PPARGC1B: variants seen among roughly 807,000 people sequenced by gnomAD.
PPARGC1B encodes the protein PPARG coactivator 1 beta.
PPARGC1B carries 34 observed loss-of-function variants against 101.6 expected under a neutral mutation model. That is an observed-to-expected ratio of 0.33 (90% CI 0.25 to 0.45). The LOEUF (loss-of-function observed/expected upper bound fraction) is 0.45, where lower values mean the gene tolerates loss of function less well. Ranked by LOEUF, PPARGC1B falls within the 20% of genes least tolerant of loss-of-function variation. The pLI is 1.00. For missense variants in PPARGC1B, 1,234 were observed against 1,317.6 expected (o/e 0.94, Z 0.98); for synonymous variants, 548 against 539.3 (o/e 1.02, Z -0.22).
chr5:149,823,276 C>T (rs532581088), intron 2 of PPARGC1B, among the ~76,000 whole-genome samples: 14 of 152,194 alleles, frequency 9.2e-5, no homozygotes, highest in African/African-American at 3.1e-4. Flanking sequence ...CTGTTGAGGC[C>T]GCAGGAGGAG....
intron 1 of PPARGC1B, among the ~76,000 whole-genome samples, chr5:149,748,038 T>C (rs1243148660): frequency 6.6e-6 from 1 of 152,066 alleles, no homozygotes; most frequent in Non-Finnish European, 1.5e-5. Context: ...AGCCCTCCTT[T>C]GCTCAGCTGG....
intron 1 of PPARGC1B, among the ~76,000 whole-genome samples, chr5:149,789,369 G>A (rs540158737): frequency 1.3e-5 from 2 of 152,346 alleles, no homozygotes; most frequent in East Asian, 1.9e-4. Flanking sequence ...CACAGGTTGT[G>A]TCCTTGCGGA....
chr5:149,782,723 G>A (rs1231090776), intron 1 of PPARGC1B, among the ~76,000 whole-genome samples: 3 of 152,244 alleles, frequency 2.0e-5, no homozygotes, highest in Admixed American at 6.5e-5. Flanking sequence ...GGGATTTGGG[G>A]TCACGAGGCC....
intron 1 of PPARGC1B, among the ~76,000 whole-genome samples, chr5:149,769,217 G>A (rs533948773): frequency 6.6e-6 from 1 of 152,312 alleles, no homozygotes; most frequent in Non-Finnish European, 1.5e-5. Context: ...GTGGAGCTCA[G>A]GCAGTAATGC....
At chr5:149,835,955 T>C (rs1052584757) in intron 7 of PPARGC1B, among the ~76,000 whole-genome samples, 77 of 148,972 alleles carry the variant, frequency 5.2e-4, no homozygotes, top group Non-Finnish European at 9.1e-4. Context: ...GTCTTTTTTT[T>C]TTCTTTTTTT....
downstream of PPARGC1B, among the ~76,000 whole-genome samples, chr5:149,857,233 A>G (rs1759979362): frequency 6.6e-6 from 1 of 152,216 alleles, no homozygotes; most frequent in African/African-American, 2.4e-5. Flanking sequence ...TAGATCGTGC[A>G]CAGTACCTAG....
intron 1 of PPARGC1B, among the ~76,000 whole-genome samples, chr5:149,760,589 G>A (rs1755682918): frequency 6.6e-6 from 1 of 152,168 alleles, no homozygotes; most frequent in African/African-American, 2.4e-5. Flanking sequence ...CAAGTGTAGA[G>A]AAGGCAGGGA....
rs779448876 is a variant in PPARGC1B at position 149,842,299 on chromosome 5, T to C, written c.2738T>C (p.Met913Thr). Residue 913 changes from methionine to threonine, a missense_variant, in exon 10 of 12, where the codon ATG (methionine) becomes ACG (threonine). This residue lies in a region of PPARGC1B where 497 missense variants were observed against 529.5 expected (regional missense o/e 0.94). Transcript: ENST00000309241. ...VVYIQNLSSD[M>T]SSRELKRRFE... ...TACATTCAAAATCTCTCCAGCGACATGAGCTCCCGAGAGCTGAAGAGGCGC... is the reference window on the plus strand; with the variant it reads ...TACATTCAAAATCTCTCCAGCGACACGAGCTCCCGAGAGCTGAAGAGGCGC... The C allele has an allele frequency of 1.9e-6, 3 of 1,614,092 alleles. No homozygotes were observed. Among genetic ancestry groups the C allele is most frequent in the East Asian group, 2.2e-5 (1 of 44,872 alleles).
At chr5:149,820,028 G>GT in intron 1 of PPARGC1B, among the ~76,000 whole-genome samples, 1 of 152,198 alleles carries the variant, frequency 6.6e-6, no homozygotes, top group South Asian at 2.1e-4. Flanking sequence ...TATTATTGCT[G>GT]TTTTTTGTTT....
intron 1 of PPARGC1B, among the ~76,000 whole-genome samples, chr5:149,787,616 A>G (rs978759803): frequency 2.0e-5 from 3 of 152,218 alleles, no homozygotes; most frequent in Non-Finnish European, 4.4e-5. Context: ...CCAGCTCTTA[A>G]GCAGTGTGTC....
chr5:149,805,077 C>T (rs1409120945), intron 1 of PPARGC1B, among the ~76,000 whole-genome samples: 3 of 152,206 alleles, frequency 2.0e-5, no homozygotes, highest in African/African-American at 7.2e-5. Flanking sequence ...GAGCTTCCTC[C>T]TTCGTGATGT....
chr5:149,798,154 A>G (rs565083428), intron 1 of PPARGC1B, among the ~76,000 whole-genome samples: 4 of 152,330 alleles, frequency 2.6e-5, no homozygotes, highest in African/African-American at 9.6e-5. Flanking sequence ...ACCAAGCCCA[A>G]ATTAATGCAC....
chr5:149,835,252 C>T, intron 6 of PPARGC1B, 49 bp from the exon 7 acceptor site: 1 of 1,560,716 alleles, frequency 6.4e-7, no homozygotes, highest in Non-Finnish European at 8.8e-7. Flanking sequence ...GAGGTGGATG[C>T]CTGCTGCTGA....
chr5:149,759,961 G>C (rs1581021813), intron 1 of PPARGC1B, among the ~76,000 whole-genome samples: 1 of 152,216 alleles, frequency 6.6e-6, no homozygotes, highest in South Asian at 2.1e-4. Context: ...TTCACCCTGT[G>C]AGTTGGAACA....
intron 1 of PPARGC1B, among the ~76,000 whole-genome samples, chr5:149,803,649 G>A (rs948982529): frequency 6.6e-6 from 1 of 152,078 alleles, no homozygotes; most frequent in African/African-American, 2.4e-5. Context: ...CCTAGTTCAG[G>A]TGCCTGTTAT....
Position 149,836,863 on chromosome 5 carries a change from G to A in PPARGC1B, c.2408G>A (p.Ser803Asn), listed in dbSNP as rs148269158. Residue 803 changes from serine (S) to asparagine (N), a missense_variant, in exon 8 of 12, where the codon AGC (serine) becomes AAC (asparagine). Physicochemically the swap from Ser to Asn is conservative, Grantham distance 46. Coordinates refer to ENST00000309241, the MANE Select transcript of PPARGC1B (RefSeq NM_133263.4). Reference protein sequence around the residue: ...EDSSSSSGESSFLPEEEEEEG... With the variant: ...EDSSSSSGESNFLPEEEEEEG... ...AGCAGCAGCAGCAGCGGCGAGAGCA[G>A]CTTCCTCCCAGAGGAGGAAGAGGAA... 4.3e-5 allele frequency: 70 copies of A among 1,612,684 alleles called. No individual in the cohort carries two copies. In the African/African-American group the frequency reaches 6.5e-4, roughly 15 times the overall value.
chr5:149,734,367 AT>A (rs1178634434), intron 1 of PPARGC1B, among the ~76,000 whole-genome samples: 1 of 143,512 alleles, frequency 7.0e-6, no homozygotes, highest in African/African-American at 2.5e-5. Context: ...GAATATACTG[AT>A]TTGTAACTTG....
intron 2 of PPARGC1B, among the ~76,000 whole-genome samples, chr5:149,820,867 C>A (rs1455589785): frequency 2.0e-5 from 3 of 152,194 alleles, no homozygotes; most frequent in Admixed American, 6.5e-5. Context: ...CGAGCAGAAC[C>A]AAGCCCCTTC....
rs577802644 is a variant in PPARGC1B at position 149,761,855 on chromosome 5, C to T, written c.78+31435C>T. 2.6e-5 allele frequency among the ~76,000 whole-genome samples: 4 copies of T among 152,128 alleles called. No individual in the cohort carries two copies. In the South Asian group the frequency reaches 6.2e-4, roughly 24 times the overall value. The stretch of plus-strand genomic sequence containing the variant: ...ATAGCAGGGGAGCACTGTGTTATCC[C>T]GTGGACATGTGGATAACAGTAGTGC... On this transcript the variant is annotated intron_variant, in intron 1 of 11. Coordinates refer to ENST00000309241, the MANE Select transcript of PPARGC1B (RefSeq NM_133263.4).
Sources: gnomAD v4.1 joint callset for allele counts (sites outside exome capture counted in the v4.1 genomes callset) on GRCh38, gnomAD v4.1.1 for gene constraint, gnomAD v4.1.1 regional missense constraint, MANE v1.5 for transcripts, NCBI Gene and HGNC (gene_info 2026-07-23, HGNC 2026-07-21) for gene names.